FMNL1: variants seen among roughly 807,000 people sequenced by gnomAD.
The protein encoded by FMNL1 is formin like 1, also known as formin-like protein 1.
In FMNL1, 43 loss-of-function variants were observed where a neutral mutation model predicts 121.3. The ratio of observed to expected loss-of-function variants is 0.35; its 90% CI spans 0.28 to 0.46. The LOEUF (loss-of-function observed/expected upper bound fraction) is 0.46. Ranked by LOEUF, FMNL1 falls within the 20% of genes least tolerant of loss-of-function variation. FMNL1 has a pLI of 1.00. For synonymous variants in FMNL1, 613 were observed against 613.5 expected, an observed-to-expected ratio of 1.00 and a Z score of 0.01; for missense variants, 1,191 against 1,482.4, an observed-to-expected ratio of 0.80 and a Z score of 3.23.
chr17:45,227,779 T>A lies in FMNL1; in HGVS notation c.130-2825T>A, dbSNP rs2043358407. 2.6e-5 allele frequency among the ~76,000 whole-genome samples: 4 copies of A among 152,212 alleles called. No individual in the cohort carries two copies. The South Asian group carries it at 8.3e-4, about 31-fold the overall frequency. On this transcript the variant is annotated intron_variant, in intron 1 of 26. Transcript: ENST00000331495. Reference sequence around the variant, plus strand: ...TCCAAACTCAGCTTCTCACTGAGTGTTCCAGGAGCTCCGTGAGTGTGAGGC... The same window carrying A: ...TCCAAACTCAGCTTCTCACTGAGTGATCCAGGAGCTCCGTGAGTGTGAGGC...
Position 45,232,446 on chromosome 17 carries a change from G to A in FMNL1, c.293G>A (p.Arg98Gln). 6.2e-7 allele frequency: 1 copy of A among 1,614,062 alleles called. No individual in the cohort carries two copies. Among genetic ancestry groups the A allele is most frequent in the Non-Finnish European group, 8.5e-7 (1 of 1,179,978 alleles). ...KSYVDTGGVSRKVAADWMSNL... is the reference protein window; with the variant it reads ...KSYVDTGGVSQKVAADWMSNL... ...TATGTGGATACTGGTGGGGTCAGCC[G>A]AAAGGTAGCAGCTGATTGGATGTCC... Residue 98 changes from arginine to glutamine, a missense_variant, in exon 3 of 27, where the codon CGA becomes CAA. By Grantham distance (43) the Arg-to-Gln change is conservative (BLOSUM62 1). This residue lies in a region of FMNL1 where 253 missense variants were observed against 417.5 expected (regional missense o/e 0.61). Transcript: ENST00000331495.
chr17:45,233,981 C>G lies in FMNL1; in HGVS notation c.486-91C>G. 6.6e-7 allele frequency: 1 copy of G among 1,523,752 alleles called. No homozygotes were observed. 94.4% of individuals were successfully genotyped at this position (1,523,752 alleles called of 1,614,324 possible). ...TCCTCCTCCTGCTCCTTAGTCTCAC[C>G]TGCAGGTCTGTCTCTCCTTGCGTTT... On this transcript the variant is annotated intron_variant, in intron 5 of 26. Coordinates refer to ENST00000331495, the MANE Select transcript of FMNL1 (RefSeq NM_005892.4). The surrounding 1 kb of genome is among the most constrained non-coding windows in gnomAD (Gnocchi z 4.1).
intron 1 of FMNL1, among the ~76,000 whole-genome samples, chr17:45,228,397 C>T (rs1041991699): frequency 3.3e-5 from 5 of 152,220 alleles, no homozygotes; most frequent in African/African-American, 7.2e-5. Context: ...GGCCTCCCCT[C>T]GGCAGTAACA....
chr17:45,233,857 T>C lies in FMNL1; in HGVS notation c.485+126T>C. ...CCGAGCCTACCCTGGAACCCTCCAC[T>C]TGGCCTTGAGCGATGCTCCTTCCAG... On this transcript the variant is annotated intron_variant, in intron 5 of 26. Transcript: ENST00000331495. This position sits in a 1 kb window ranked among gnomAD's most constrained non-coding sequence, Gnocchi z 4.1. 3 of 1,396,346 alleles carry C rather than the reference T, an allele frequency of 2.1e-6. No homozygotes were observed. The highest frequency in any genetic ancestry group is 2.9e-6 in the Non-Finnish European group (3 of 1,030,108). The allele number at this position is 1,396,346 out of a possible 1,614,324, so 86.5% of individuals were successfully genotyped here.
At chr17:45,222,745 C>T (rs932961837) in intron 1 of FMNL1, among the ~76,000 whole-genome samples, 1 of 152,166 alleles carries the variant, frequency 6.6e-6, no homozygotes. Flanking sequence ...GTTGTCGGAT[C>T]ATGGCCAGGA....
intron 16 of FMNL1, 83 bp downstream of exon 16, chr17:45,242,548 C>A: frequency 1.3e-6 from 2 of 1,528,094 alleles, no homozygotes; most frequent in South Asian, 1.3e-5. Context: ...TGGGGGTAGT[C>A]ATTTTCTCCA....
Position 45,243,945 on chromosome 17 carries a change from C to T in FMNL1, c.2368C>T (p.Arg790Cys), listed in dbSNP as rs1196016475. ...GGACCGCTTCATGCTATGCTTCAGC[C>T]GCATCCCGCGCCTGCCGGAGCGCAT... ...EEDRFMLCFS[R>C]IPRLPERMTT... Residue 790 changes from arginine (R) to cysteine (C), a missense_variant, in exon 18 of 27, where the codon CGC becomes TGC. Coordinates refer to ENST00000331495, the MANE Select transcript of FMNL1 (RefSeq NM_005892.4). 1 of 1,613,700 alleles carries T rather than the reference C, an allele frequency of 6.2e-7. No homozygotes were observed. Among genetic ancestry groups the T allele is most frequent in the Non-Finnish European group, 8.5e-7 (1 of 1,180,034 alleles).
At chr17:45,238,013 A>G in intron 9 of FMNL1, 1 of 225,396 alleles carries the variant, frequency 4.4e-6, no homozygotes, top group Non-Finnish European at 8.9e-6. Context: ...ATAAGACAAG[A>G]TATCTTCATT....
chr17:45,222,345 G>A, intron 1 of FMNL1, 92 bp downstream of exon 1: 1 of 1,040,910 alleles, frequency 9.6e-7, no homozygotes, highest in Non-Finnish European at 1.2e-6. Flanking sequence ...CGGGGACTCA[G>A]GTGCCGCTTG....
At chr17:45,246,133 G>GT (rs748458720) in intron 24 of FMNL1, 77 bp from the exon 25 acceptor site, 4 of 1,553,206 alleles carry the variant, frequency 2.6e-6, no homozygotes, top group Non-Finnish European at 3.5e-6. Context: ...TGTCCTTGCT[G>GT]TGGGGGACCA....
intron 1 of FMNL1, among the ~76,000 whole-genome samples, chr17:45,222,550 G>A (rs960291449): frequency 1.3e-5 from 2 of 152,158 alleles, no homozygotes; most frequent in Non-Finnish European, 2.9e-5. Flanking sequence ...AGCGGGGCAC[G>A]CACAGGGGTC....
chr17:45,243,331 C>A lies in FMNL1; in HGVS notation c.2213+11C>A, dbSNP rs2043751953. On this transcript the variant is annotated intron_variant, in intron 17 of 26. Coordinates refer to ENST00000331495, the MANE Select transcript of FMNL1 (RefSeq NM_005892.4). ...CCAAGCCATTGAGGCGTGAGTGTCCCTGTCCTGGGTTTGTGGGCAGTCCGG... is the reference window on the plus strand; with the variant it reads ...CCAAGCCATTGAGGCGTGAGTGTCCATGTCCTGGGTTTGTGGGCAGTCCGG... 3.7e-6 allele frequency: 6 copies of A among 1,612,432 alleles called. No individual in the cohort carries two copies. The East Asian group carries it at 1.3e-4, about 36-fold the overall frequency.
chr17:45,238,744 G>GT (rs1415066422), intron 10 of FMNL1, 106 bp downstream of exon 10: 10 of 1,417,020 alleles, frequency 7.1e-6, no homozygotes, highest in African/African-American at 2.8e-5. Context: ...CCCGCAAAGC[G>GT]TAAGGACTGA....
Position 45,241,992 on chromosome 17 carries a change from G to A in FMNL1, c.1731G>A (p.Ala577=). 1 of 1,289,972 alleles carries A rather than the reference G, an allele frequency of 7.8e-7. No homozygotes were observed. Among genetic ancestry groups the A allele is most frequent in the African/African-American group, 1.6e-5 (1 of 62,726 alleles). The allele number at this position is 1,289,972 out of a possible 1,614,324, so 79.9% of individuals were successfully genotyped here. A position where few individuals can be genotyped will look rare whatever the true frequency, so the allele number is the denominator to read the frequency against. The change falls in exon 15 of 27, where the codon GCG becomes GCA. Residue 577 remains alanine, a synonymous_variant. Transcript: ENST00000331495. This position sits in a 1 kb window ranked among gnomAD's most constrained non-coding sequence, Gnocchi z 7.0. ...PLPGSPEPPP[A]PPLPGDLPPP... ...CTGGCAGCCCGGAGCCCCCGCCTGC[G>A]CCGCCGCTGCCCGGAGACCTGCCGC...
intron 3 of FMNL1, chr17:45,232,932 G>A (rs1321972072): frequency 1.7e-6 from 1 of 571,812 alleles, no homozygotes; most frequent in Non-Finnish European, 3.3e-6. Flanking sequence ...TGTGCTGTGT[G>A]TGTGTGTGCG....
At chr17:45,232,069 G>C (rs2043450904) in intron 2 of FMNL1, among the ~76,000 whole-genome samples, 1 of 152,202 alleles carries the variant, frequency 6.6e-6, no homozygotes, top group Admixed American at 6.5e-5. Context: ...AGCTACCTGG[G>C]AGGCTGAGGT....
intron 1 of FMNL1, 109 bp from the exon 2 acceptor site, chr17:45,230,495 G>A (rs1479038823): frequency 3.1e-5 from 28 of 890,210 alleles, no homozygotes; most frequent in Non-Finnish European, 4.9e-5. Flanking sequence ...GGATTCATGG[G>A]GGTGATGCAC....
In FMNL1 at chr17:45,247,209, AG is replaced by A; in HGVS notation, c.*353del. 1 of 536,216 alleles carries A rather than the reference AG, an allele frequency of 1.9e-6. No homozygotes were observed. The highest frequency in any genetic ancestry group is 3.3e-6 in the Non-Finnish European group (1 of 299,268). 33.2% of individuals were successfully genotyped at this position (536,216 alleles called of 1,614,324 possible). ...CCAAATAGCCATACTTAGCCTCAGC[AG>A]GAGCCTGGCCTGTAACTTATAAAGT... On this transcript the variant is annotated 3_prime_UTR_variant, in exon 27 of 27. Coordinates refer to ENST00000331495, the MANE Select transcript of FMNL1 (RefSeq NM_005892.4).
Position 45,242,100 on chromosome 17 carries a change from A to G in FMNL1, c.1839A>G (p.Gly613=), listed in dbSNP as rs530661621. The G allele has an allele frequency of 5.7e-4, 851 of 1,494,910 alleles. 8 individuals carry two copies. In the African/African-American group the frequency reaches 0.011, roughly 20 times the overall value. 92.6% of individuals were successfully genotyped at this position (1,494,910 alleles called of 1,614,324 possible). A position where few individuals can be genotyped will look rare whatever the true frequency, so the allele number is the denominator to read the frequency against. ...PPPPPPPPPP[G]GPPDALGRRD... ...CGCCGCCGCCGCCGCCGCCTCCCGG[A>G]GGTCCTCCTGATGCCCTAGGAAGAC... The change falls in exon 15 of 27, where the codon GGA becomes GGG. Residue 613 remains glycine, a synonymous_variant. Transcript: ENST00000331495.
Sources: gnomAD v4.1 joint callset for allele counts (sites outside exome capture counted in the v4.1 genomes callset) on GRCh38, gnomAD v4.1.1 for gene constraint, gnomAD v4.1.1 regional missense constraint, Gnocchi (gnomAD v3.1) non-coding constraint, MANE v1.5 for transcripts, NCBI Gene and HGNC (gene_info 2026-07-23, HGNC 2026-07-21) for gene names.